The following LNPK variants were observed in gnomAD, a reference collection of about 807,000 sequenced individuals.
The protein encoded by LNPK is lunapark, ER junction formation factor, also known as endoplasmic reticulum junction formation protein lunapark.
LNPK carries 29 observed loss-of-function variants against 55.2 expected under a neutral mutation model. That is an observed-to-expected ratio of 0.53 (90% CI 0.39 to 0.72). LNPK has a LOEUF of 0.72. LNPK is among the 30% of genes least tolerant of loss of function. The pLI, the probability that LNPK is intolerant of heterozygous loss-of-function variation, is 0.00. For synonymous variants in LNPK, 162 were observed against 168.2 expected (o/e 0.96, Z 0.29); for missense variants, 467 against 494.8 (o/e 0.94, Z 0.53).
At chr2:175,953,896 A>C (rs1452829765) in intron 8 of LNPK, among the ~76,000 whole-genome samples, 1 of 152,046 alleles carries the variant, frequency 6.6e-6, no homozygotes, top group Non-Finnish European at 1.5e-5. Context: ...CTACATAATG[A>C]TGCAGAAAAA....
intron 8 of LNPK, among the ~76,000 whole-genome samples, chr2:175,963,176 A>G (rs1178060614): frequency 6.6e-6 from 1 of 150,394 alleles, no homozygotes; most frequent in East Asian, 1.9e-4. Context: ...AACTAGAAAT[A>G]CCATTTGACC....
intron 9 of LNPK, 63 bp downstream of exon 9, chr2:175,947,417 C>T: frequency 1.0e-5 from 14 of 1,392,100 alleles, no homozygotes; most frequent in Non-Finnish European, 1.4e-5. Flanking sequence ...TGAAAATGGC[C>T]CGTTTTATTG....
intron 2 of LNPK, among the ~76,000 whole-genome samples, chr2:175,995,166 C>T (rs557466177): frequency 2.6e-5 from 4 of 151,908 alleles, no homozygotes; most frequent in South Asian, 2.1e-4. Flanking sequence ...ATGATCTGCC[C>T]GCCTCAGCCT....
chr2:175,947,909 C>A (rs1247503197), intron 8 of LNPK, among the ~76,000 whole-genome samples: 1 of 152,150 alleles, frequency 6.6e-6, no homozygotes, highest in African/African-American at 2.4e-5. Context: ...AAGCCATGAT[C>A]TAAGTGTAGC....
At position 175,938,372 on chromosome 2, in the gene LNPK, A is replaced by T. The variant is rs1394945315; in HGVS notation, c.824T>A (p.Ile275Lys). 3 of 1,595,550 alleles carry T rather than the reference A, an allele frequency of 1.9e-6. No homozygotes were observed. The highest frequency in any genetic ancestry group is 1.7e-5 in the Admixed American group (1 of 59,732). The change falls in exon 11 of 13, where the codon ATA (isoleucine) becomes AAA (lysine). Residue 275 changes from isoleucine to lysine, a missense_variant. Transcript: ENST00000272748. ...ATTATGAGAAAAACACTGCTGACAT[A>T]TAAGTGCATACCTACACCGTAAGGA... ...GDGPQNRYALICQQCFSHNGM... is the reference protein window; with the variant it reads ...GDGPQNRYALKCQQCFSHNGM...
intron 4 of LNPK, among the ~76,000 whole-genome samples, chr2:175,986,790 A>T (rs1205673564): frequency 6.6e-6 from 1 of 152,166 alleles, no homozygotes; most frequent in African/African-American, 2.4e-5. Flanking sequence ...ATTCCTTAAC[A>T]TGATCAAATA....
At chr2:175,935,772 G>A (rs1209862823) in intron 12 of LNPK, 8 of 970,396 alleles carry the variant, frequency 8.2e-6, no homozygotes, top group South Asian at 4.8e-5. Context: ...AAAATGAGAC[G>A]TCTGGGGTAT....
chr2:175,985,046 G>C (rs1249209312), intron 4 of LNPK, among the ~76,000 whole-genome samples: 1 of 152,190 alleles, frequency 6.6e-6, no homozygotes, highest in African/African-American at 2.4e-5. Context: ...TTGACACACT[G>C]AACAACTTGG....
chr2:175,936,518 ATTT>A (rs1202870921), intron 12 of LNPK, among the ~76,000 whole-genome samples: 1 of 152,114 alleles, frequency 6.6e-6, no homozygotes, highest in Non-Finnish European at 1.5e-5. Context: ...TCTAATATGC[ATTT>A]TTTTCCATAT....
At chr2:175,946,333 A>C (rs1685120780) in intron 9 of LNPK, among the ~76,000 whole-genome samples, 1 of 152,192 alleles carries the variant, frequency 6.6e-6, no homozygotes, top group Non-Finnish European at 1.5e-5. Flanking sequence ...CAAATCAACC[A>C]GATAACAACA....
chr2:175,971,428 T>C (rs1686659287), intron 5 of LNPK, among the ~76,000 whole-genome samples: 1 of 152,188 alleles, frequency 6.6e-6, no homozygotes, highest in South Asian at 2.1e-4. Context: ...CAATGTTTGA[T>C]TTACAAATTA....
chr2:175,933,496 C>T (rs1188681019), intron 12 of LNPK, among the ~76,000 whole-genome samples: 1 of 152,118 alleles, frequency 6.6e-6, no homozygotes, highest in Non-Finnish European at 1.5e-5. Flanking sequence ...GACAATATGT[C>T]TTTAACTCAC....
At chr2:175,931,821 A>G (rs62186996) in intron 12 of LNPK, among the ~76,000 whole-genome samples, 9,034 of 152,290 alleles carry the variant, frequency 0.059, 351 homozygotes, top group South Asian at 0.098. Context: ...AACTACAGGC[A>G]TGTACAAATC....
chr2:176,000,703 C>T (rs371279455), intron 1 of LNPK, among the ~76,000 whole-genome samples: 11 of 152,220 alleles, frequency 7.2e-5, no homozygotes, highest in Non-Finnish European at 1.5e-4. Flanking sequence ...TAATCACCAT[C>T]AACAGTACCT....
intron 8 of LNPK, among the ~76,000 whole-genome samples, chr2:175,958,024 CT>C (rs748628141): frequency 1.4e-3 from 207 of 152,326 alleles, no homozygotes; most frequent in Non-Finnish European, 1.1e-3. Context: ...TCTGCCATTG[CT>C]GAGGCTTGAG....
At chr2:175,953,415 A>G (rs933597072) in intron 8 of LNPK, among the ~76,000 whole-genome samples, 7 of 152,116 alleles carry the variant, frequency 4.6e-5, no homozygotes, top group African/African-American at 7.2e-5. Context: ...GCATCTTGCT[A>G]TAACTCCCAT....
chr2:175,970,845 T>C (rs1310925973), intron 5 of LNPK, 41 bp from the exon 6 acceptor site: 1 of 1,379,796 alleles, frequency 7.2e-7, no homozygotes, highest in Non-Finnish European at 9.7e-7. Context: ...GATATTTAGA[T>C]ATAAGAAAAA....
chr2:175,944,161 A>C (rs1480032046), intron 9 of LNPK, among the ~76,000 whole-genome samples: 1 of 152,148 alleles, frequency 6.6e-6, no homozygotes, highest in Non-Finnish European at 1.5e-5. Context: ...AGTTAATAAA[A>C]CAATACCATT....
intron 1 of LNPK, among the ~76,000 whole-genome samples, chr2:176,001,848 C>CA (rs1688173678): frequency 6.6e-6 from 1 of 152,176 alleles, no homozygotes; most frequent in South Asian, 2.1e-4. Flanking sequence ...TCAAGCCAGT[C>CA]ACCACCCGGA....
Sources: allele counts gnomAD v4.1 joint callset (sites outside exome capture counted in the v4.1 genomes callset), GRCh38; gene constraint gnomAD v4.1.1; transcripts MANE v1.5; gene names NCBI Gene and HGNC (gene_info 2026-07-23, HGNC 2026-07-21).